EEA1: variants seen among roughly 807,000 people sequenced by gnomAD.
EEA1 encodes early endosome antigen 1, 162kD.
In EEA1, 111 loss-of-function variants were observed where a neutral mutation model predicts 209.2. That is an observed-to-expected ratio of 0.53 (90% CI 0.45 to 0.62). EEA1 has a LOEUF of 0.62. EEA1 is among the 20% of genes least tolerant of loss of function. The pLI, the probability that EEA1 is intolerant of heterozygous loss-of-function variation, is 0.00. For synonymous variants in EEA1, 536 were observed against 540.6 expected (o/e 0.99, Z 0.12); for missense variants, 1,343 against 1,530.8 (o/e 0.88, Z 2.05).
intron 2 of EEA1, among the ~76,000 whole-genome samples, chr12:92,889,419 G>A (rs1015739736): frequency 2.0e-5 from 3 of 150,822 alleles, no homozygotes; most frequent in African/African-American, 7.3e-5. Flanking sequence ...AGAAGAGCAG[G>A]ACAAAGAGAA....
chr12:92,794,425 G>A (rs1421192727), intron 21 of EEA1, among the ~76,000 whole-genome samples: 1 of 152,102 alleles, frequency 6.6e-6, no homozygotes, highest in Non-Finnish European at 1.5e-5. Context: ...AAAGACACAT[G>A]CACACGTATG....
intron 18 of EEA1, 92 bp from the exon 19 acceptor site, chr12:92,802,826 C>G: frequency 9.3e-7 from 1 of 1,076,454 alleles, no homozygotes; most frequent in Non-Finnish European, 1.3e-6. Context: ...TTACTGAGTT[C>G]TGAAACTTTT....
chr12:92,831,264 CA>C (rs1402624355), intron 11 of EEA1, among the ~76,000 whole-genome samples: 2 of 151,834 alleles, frequency 1.3e-5, no homozygotes, highest in African/African-American at 4.8e-5. Flanking sequence ...TTTCCATTTT[CA>C]ACCAATTTTC....
intron 2 of EEA1, among the ~76,000 whole-genome samples, chr12:92,875,262 C>A (rs995175537): frequency 2.0e-5 from 3 of 151,954 alleles, no homozygotes; most frequent in African/African-American, 7.3e-5. Flanking sequence ...CTATCCTGGC[C>A]AATGGTCTAT....
Position 92,802,593 on chromosome 12 carries a change from A to G in EEA1, c.2481T>C (p.His827=). The change falls in exon 19 of 29, where the codon CAT becomes CAC. Residue 827 remains histidine (H), a synonymous_variant. Transcript: ENST00000322349. ...ETLSQETKIQ[H]EELNNRIQTT... ...TTTGAATTCTGTTATTCAATTCCTC[A>G]TGCTGAATCTTTGTTTCTTGACTTA... 1 of 1,601,508 alleles carries G rather than the reference A, an allele frequency of 6.2e-7. No homozygotes were observed. The highest frequency in any genetic ancestry group is 8.5e-7 in the Non-Finnish European group (1 of 1,176,500).
At chr12:92,821,784 C>G (rs1565822091) in intron 13 of EEA1, among the ~76,000 whole-genome samples, 1 of 150,898 alleles carries the variant, frequency 6.6e-6, no homozygotes, top group African/African-American at 2.4e-5. Context: ...AATGATCAAT[C>G]TTTATTTTCC....
intron 27 of EEA1, 100 bp downstream of exon 27, chr12:92,777,443 T>G (rs1320119278): frequency 1.6e-6 from 2 of 1,288,782 alleles, no homozygotes; most frequent in Admixed American, 2.3e-5. Context: ...TATTTGAAAG[T>G]ATTTATAAAA....
chr12:92,895,826 C>A (rs1879856080), intron 1 of EEA1, among the ~76,000 whole-genome samples: 1 of 152,028 alleles, frequency 6.6e-6, no homozygotes, highest in African/African-American at 2.4e-5. Context: ...GGGAGGAAGT[C>A]AAAATATCAA....
intron 14 of EEA1, among the ~76,000 whole-genome samples, chr12:92,817,661 C>T (rs73362446): frequency 0.016 from 2,425 of 152,286 alleles, 26 homozygotes; most frequent in East Asian, 0.039. Context: ...AATTTCTCTC[C>T]TCGTCATGGC....
rs920310526 is a variant in EEA1 at position 92,920,445 on chromosome 12, A to G, written c.24+8598T>C. Among the ~76,000 whole-genome samples, 12 of 145,860 alleles carry G rather than the reference A, an allele frequency of 8.2e-5. No homozygotes were observed. In the South Asian group the frequency reaches 1.5e-3, roughly 18 times the overall value. On this transcript the variant is annotated intron_variant, in intron 1 of 28. Transcript: ENST00000322349. ...ACAGAGCCCTCAGAAATAACGCCGC[A>G]TACCTACAACTGTCTGATCTTTGAC...
At chr12:92,841,974 G>C (rs528276023) in intron 10 of EEA1, among the ~76,000 whole-genome samples, 1 of 152,254 alleles carries the variant, frequency 6.6e-6, no homozygotes, top group South Asian at 2.1e-4. Flanking sequence ...GTGTCTATCA[G>C]CAGATGAATG....
At chr12:92,816,089 A>T in intron 15 of EEA1, 111 bp downstream of exon 15, 1 of 965,474 alleles carries the variant, frequency 1.0e-6, no homozygotes, top group Non-Finnish European at 1.5e-6. Context: ...TCTAATTCTT[A>T]TTTCAAATTT....
intron 1 of EEA1, among the ~76,000 whole-genome samples, chr12:92,904,767 T>C (rs941328067): frequency 6.6e-6 from 1 of 152,222 alleles, no homozygotes; most frequent in African/African-American, 2.4e-5. Flanking sequence ...TGAAACAGTA[T>C]GTAAGGGAAG....
intron 21 of EEA1, among the ~76,000 whole-genome samples, chr12:92,793,034 C>G (rs894563916): frequency 1.3e-5 from 2 of 152,152 alleles, no homozygotes; most frequent in Admixed American, 1.3e-4. Context: ...ACAAAAACCA[C>G]ATGGTATCTC....
At chr12:92,806,820 TC>T (rs1417209378) in intron 18 of EEA1, among the ~76,000 whole-genome samples, 11 of 152,068 alleles carry the variant, frequency 7.2e-5, no homozygotes, top group Non-Finnish European at 1.0e-4. Context: ...TAACAGTAAA[TC>T]AATCAATGTA....
intron 13 of EEA1, among the ~76,000 whole-genome samples, chr12:92,820,598 G>T (rs1359202183): frequency 2.0e-5 from 3 of 152,050 alleles, no homozygotes; most frequent in Non-Finnish European, 4.4e-5. Context: ...CCTGTTGGGG[G>T]TTGGGGGCAA....
Position 92,891,693 on chromosome 12 carries a change from G to C in EEA1, c.53C>G (p.Ser18Cys). The change falls in exon 2 of 29, where the codon TCT becomes TGT. Residue 18 changes from serine to cysteine, a missense_variant. Physicochemically the swap from Ser to Cys is moderately radical, Grantham distance 112 (BLOSUM62 -1). Coordinates refer to ENST00000322349, the MANE Select transcript of EEA1 (RefSeq NM_003566.4). ...RTPGRVGSQG[S>C]DLDSSATPIN... ...AGGAGTTGCTGATGAATCTAAATCA[G>C]AACCTTGAGAGCCAACTCTCCCAGG... 6.2e-7 allele frequency: 1 copy of C among 1,609,742 alleles called. No individual in the cohort carries two copies. The highest frequency in any genetic ancestry group is 8.5e-7 in the Non-Finnish European group (1 of 1,178,706).
At chr12:92,883,665 A>G (rs1255100251) in intron 2 of EEA1, 4 of 651,706 alleles carry the variant, frequency 6.1e-6, no homozygotes, top group East Asian at 2.5e-5. Flanking sequence ...TCTTTTCTCT[A>G]TCTTACTTTA....
intron 22 of EEA1, among the ~76,000 whole-genome samples, chr12:92,785,351 G>C (rs894976980): frequency 7.4e-4 from 112 of 151,290 alleles, no homozygotes; most frequent in Non-Finnish European, 1.2e-4. Context: ...TACACTGTTA[G>C]CCCATGCTCT....
Sources: gnomAD v4.1 joint callset for allele counts (sites outside exome capture counted in the v4.1 genomes callset) on GRCh38, gnomAD v4.1.1 for gene constraint, MANE v1.5 for transcripts, NCBI Gene and HGNC (gene_info 2026-07-23, HGNC 2026-07-21) for gene names.